Variants in UTP6 observed in about 807,000 individuals in gnomAD.
UTP6 encodes UTP6 small subunit processome component, also known as U3 small nucleolar RNA-associated protein 6 homolog.
In UTP6, 60 loss-of-function variants were observed where a neutral mutation model predicts 96.5. The ratio of observed to expected loss-of-function variants is 0.62; its 90% confidence interval spans 0.51 to 0.77. The LOEUF (loss-of-function observed/expected upper bound fraction) is 0.77. Ranked by LOEUF, UTP6 falls within the 30% of genes least tolerant of loss-of-function variation. The pLI is 0.00. For missense variants in UTP6, 637 were observed against 706.5 expected, an observed-to-expected ratio of 0.90 and a Z score of 1.12; for synonymous variants, 215 against 240.1, an observed-to-expected ratio of 0.90 and a Z score of 0.96.
At chr17:31,880,942 G>T (rs929043240) in intron 10 of UTP6, among the ~76,000 whole-genome samples, 188 bp from the exon 11 acceptor site, 2 of 152,176 alleles carry the variant, frequency 1.3e-5, no homozygotes, top group East Asian at 3.9e-4. Flanking sequence ...TTGGGAGTCT[G>T]AGGTGGGTGG....
chr17:31,887,149 A>G lies in UTP6; in HGVS notation c.621+87T>C, dbSNP rs1039032965. ...AAAAAAAAGAAAAAAAAAGAAAAAT[A>G]TATTCCAAATATTTTCTCTTACTCC... On this transcript the variant is annotated intron_variant, in intron 8 of 18. Coordinates refer to ENST00000261708, the MANE Select transcript of UTP6 (RefSeq NM_018428.3). 16 of 1,237,506 alleles carry G rather than the reference A, an allele frequency of 1.3e-5. No homozygotes were observed. The East Asian group carries it at 3.8e-4, about 29-fold the overall frequency. The allele number at this position is 1,237,506 out of a possible 1,614,324, so 76.7% of individuals were successfully genotyped here. A position where few individuals can be genotyped will look rare whatever the true frequency, so the allele number is the denominator to read the frequency against.
chr17:31,876,022 G>A (rs1375842522), intron 13 of UTP6, among the ~76,000 whole-genome samples: 1 of 151,590 alleles, frequency 6.6e-6, no homozygotes, highest in Non-Finnish European at 1.5e-5. Context: ...TGTAAGTTAG[G>A]TTTTTTTGTT....
intron 16 of UTP6, among the ~76,000 whole-genome samples, chr17:31,868,317 GT>G (rs1236236296): frequency 1.2e-5 from 1 of 86,060 alleles, no homozygotes; most frequent in African/African-American, 4.1e-5. Context: ...CCAGTTCTTA[GT>G]TTTTTGGTTT....
In UTP6 at chr17:31,863,217, A is replaced by T; in HGVS notation, c.*142T>A. The T allele has an allele frequency of 1.2e-6, 1 of 868,138 alleles. No homozygotes were observed. Among genetic ancestry groups the T allele is most frequent in the Non-Finnish European group, 1.8e-6 (1 of 557,634 alleles). The allele number at this position is 868,138 out of a possible 1,614,324, so 53.8% of individuals were successfully genotyped here. A position where few individuals can be genotyped will look rare whatever the true frequency, so the allele number is the denominator to read the frequency against. On this transcript the variant is annotated 3_prime_UTR_variant, in exon 19 of 19. Transcript: ENST00000261708. ...AATTTTTAAAAAGATTTAACAAGTT[A>T]ACATAAAATTAAAGTGTGTCTCAAA... is the stretch of plus-strand genomic sequence containing the variant.
chr17:31,901,350 G>A (rs1050633911), intron 1 of UTP6, 186 bp downstream of exon 1: 2 of 590,862 alleles, frequency 3.4e-6, no homozygotes, highest in Non-Finnish European at 6.1e-6. Flanking sequence ...TGGGTAAGTA[G>A]ACGGACGGAT....
chr17:31,892,437 C>T (rs1369905356), intron 5 of UTP6, 114 bp from the exon 6 acceptor site: 1 of 1,083,110 alleles, frequency 9.2e-7, no homozygotes, highest in African/African-American at 1.6e-5. Flanking sequence ...GCATGACATG[C>T]TATTGCTAGG....
At chr17:31,864,343 C>A (rs1052679055) in intron 18 of UTP6, among the ~76,000 whole-genome samples, 1 of 152,070 alleles carries the variant, frequency 6.6e-6, no homozygotes. Flanking sequence ...GGCAAGATTG[C>A]GCCACTGCAC....
intron 5 of UTP6, 54 bp downstream of exon 5, chr17:31,892,693 G>C (rs1904391599): frequency 1.9e-6 from 3 of 1,607,312 alleles, no homozygotes; most frequent in Non-Finnish European, 2.6e-6. Flanking sequence ...AGCTTAAAGG[G>C]CAGATTAACA....
chr17:31,877,741 G>C (rs1033544673), intron 13 of UTP6, among the ~76,000 whole-genome samples: 6 of 151,962 alleles, frequency 3.9e-5, no homozygotes, highest in Non-Finnish European at 8.8e-5. Context: ...CCGAGGCAGG[G>C]GGATCACTTG....
At chr17:31,875,907 C>T (rs1171571675) in intron 13 of UTP6, among the ~76,000 whole-genome samples, 3 of 151,830 alleles carry the variant, frequency 2.0e-5, no homozygotes, top group Non-Finnish European at 2.9e-5. Context: ...TAAACAGGCA[C>T]GAAGTGAACA....
In UTP6 at chr17:31,889,365, G is replaced by A. The variant is rs139868836; in HGVS notation, c.463C>T (p.Arg155Ter). 8 of 1,613,724 alleles carry A rather than the reference G, an allele frequency of 5.0e-6. No individual in the cohort carries two copies. Among genetic ancestry groups the A allele is most frequent in the East Asian group, 4.5e-5 (2 of 44,876 alleles). ...TGCCTTGCGCTTTCTGAAGACAATC[G>A]ATCTTCCATTTCCCATTTGGCTGCC... ...IMAAKWEMEDRLSSESARQLF... is the reference protein window; with the variant it reads ...IMAAKWEMED Residue 155 changes from arginine (R) to a stop codon, truncating the protein, a stop_gained, in exon 7 of 19, where the codon CGA becomes TGA. Coordinates refer to ENST00000261708, the MANE Select transcript of UTP6 (RefSeq NM_018428.3). LOFTEE classifies it high-confidence loss of function.
At position 31,875,060 on chromosome 17, in the gene UTP6, A is replaced by C. The variant is rs2301766; in HGVS notation, c.1305+174T>G. Among the ~76,000 whole-genome samples the C allele has an allele frequency of 6.9e-3, 1,058 of 152,344 alleles. 11 individuals are homozygous for C. The highest frequency in any genetic ancestry group is 0.063 in the East Asian group (329 of 5,194). ...ATTTAATTTGGTTAACTTTCAAATA[A>C]AGGATATTAAATAGAAGCAAATTCT... is the stretch of plus-strand genomic sequence containing the variant. On this transcript the variant is annotated intron_variant, in intron 14 of 18. Coordinates refer to ENST00000261708, the MANE Select transcript of UTP6 (RefSeq NM_018428.3).
intron 7 of UTP6, among the ~76,000 whole-genome samples, chr17:31,888,534 C>T (rs1172676930): frequency 1.3e-5 from 2 of 152,056 alleles, no homozygotes; most frequent in South Asian, 2.1e-4. Context: ...CAGGGCGAAA[C>T]TCCATCTCTA....
chr17:31,892,878 C>G, intron 4 of UTP6, 84 bp from the exon 5 acceptor site: 1 of 1,551,178 alleles, frequency 6.4e-7, no homozygotes, highest in Non-Finnish European at 8.8e-7. Context: ...TTGCTAAAAA[C>G]AAGCAAATTT....
intron 3 of UTP6, 35 bp downstream of exon 3, chr17:31,894,935 A>G (rs1286572034): frequency 1.5e-5 from 23 of 1,546,274 alleles, no homozygotes; most frequent in Non-Finnish European, 1.9e-5. Flanking sequence ...TTAGTTCTGT[A>G]TTTTTCTCCA....
chr17:31,878,291 G>T lies in UTP6; in HGVS notation c.1084C>A (p.His362Asn). The T allele has an allele frequency of 6.2e-7, 1 of 1,614,144 alleles. No homozygotes were observed. Among genetic ancestry groups the T allele is most frequent in the African/African-American group, 1.3e-5 (1 of 75,050 alleles). ...ERTMTVFRKA[H>N]ELKLLSECQY... ...CATTCTGACAGAAGCTTCAGTTCAT[G>T]TGCCTTCCTGAATACAGTCATGGTT... is the stretch of plus-strand genomic sequence containing the variant. Residue 362 changes from histidine to asparagine, a missense_variant, in exon 13 of 19, where the codon CAT becomes AAT. Transcript: ENST00000261708.
chr17:31,884,388 AAT>A, intron 10 of UTP6, 34 bp downstream of exon 10: 1 of 1,509,164 alleles, frequency 6.6e-7, no homozygotes. Context: ...CAAGATCAGA[AAT>A]AGATATATTC....
chr17:31,866,519 G>A (rs1360875985), intron 17 of UTP6: 2 of 151,746 alleles, frequency 1.3e-5, no homozygotes, highest in African/African-American at 2.4e-5. Context: ...GGATCACAAG[G>A]TCAGGAGTTC....
chr17:31,867,981 G>T (rs972838255), intron 17 of UTP6, 65 bp downstream of exon 17: 3 of 1,532,998 alleles, frequency 2.0e-6, no homozygotes, highest in Non-Finnish European at 2.7e-6. Flanking sequence ...ACAAAAAACA[G>T]TCTGATAGAT....
Sources: gnomAD v4.1 joint callset for allele counts (sites outside exome capture counted in the v4.1 genomes callset) on GRCh38, gnomAD v4.1.1 for gene constraint, MANE v1.5 for transcripts, NCBI Gene and HGNC (gene_info 2026-07-23, HGNC 2026-07-21) for gene names.